SEMA6A: variants seen among roughly 807,000 people sequenced by gnomAD.
The protein encoded by SEMA6A is semaphorin 6A.
A neutral mutation model predicts 96.8 loss-of-function variants in SEMA6A; 25 were observed. That is an observed-to-expected ratio of 0.26 (90% CI 0.19 to 0.36). SEMA6A has a LOEUF of 0.36. Ranked by LOEUF, SEMA6A falls within the 10% of genes least tolerant of loss-of-function variation. SEMA6A has a pLI of 1.00. For missense variants in SEMA6A, 1,363 were observed against 1,323.1 expected (o/e 1.03, Z -0.47); for synonymous variants, 612 against 518.0 (o/e 1.18, Z -2.46).
Position 116,566,722 on chromosome 5 carries a change from C to G in SEMA6A, c.-39+7463G>C, listed in dbSNP as rs374933180. Among the ~76,000 whole-genome samples, 72 of 152,318 alleles carry G rather than the reference C, an allele frequency of 4.7e-4. 1 individual carries two copies. The South Asian group carries it at 0.014, about 29-fold the overall frequency. ...GAACTTGTATGACTATCATTTGAAT[C>G]AAATTTCAGGTTTTGTAGTAGTGTG... On this transcript the variant is annotated intron_variant, in intron 1 of 18. Coordinates refer to ENST00000343348, the MANE Select transcript of SEMA6A (RefSeq NM_020796.5).
rs114622957 is a variant in SEMA6A at position 116,522,653 on chromosome 5, C to T, written c.-38-17671G>A. Reference sequence around the variant, plus strand: ...AGTCTAACACAAAGAATCAGATGAGCTCAAAGCAAATAACCTTCATATTTT... The same window carrying T: ...AGTCTAACACAAAGAATCAGATGAGTTCAAAGCAAATAACCTTCATATTTT... On this transcript the variant is annotated intron_variant, in intron 1 of 18. Coordinates refer to ENST00000343348, the MANE Select transcript of SEMA6A (RefSeq NM_020796.5). Among the ~76,000 whole-genome samples the T allele has an allele frequency of 3.1e-3, 468 of 152,278 alleles. 4 individuals are homozygous for T. The highest frequency in any genetic ancestry group is 0.01 in the African/African-American group (429 of 41,550).
intron 7 of SEMA6A, among the ~76,000 whole-genome samples, chr5:116,489,417 T>C (rs1757226597): frequency 6.6e-6 from 1 of 152,014 alleles, no homozygotes; most frequent in Admixed American, 6.6e-5. Flanking sequence ...GCTGATTGTG[T>C]CCCCAGAAAT....
chr5:116,502,272 C>G lies in SEMA6A; in HGVS notation c.156G>C (p.Gln52His), dbSNP rs1464919697. The change falls in exon 3 of 19, where the codon CAG becomes CAC. Residue 52 changes from glutamine to histidine, a missense_variant. Gln to His is a conservative substitution (Grantham distance 24). Transcript: ENST00000343348. ...VGHKPGRNTT[Q>H]RHRLDIQMIM... is the part of the protein sequence containing the mutation. ...TCATCTGGATGTCCAGCCTGTGCCTCTGTGTGGTGTTCCGTCCTGGCTTGT... is the reference window on the plus strand; with the variant it reads ...TCATCTGGATGTCCAGCCTGTGCCTGTGTGTGGTGTTCCGTCCTGGCTTGT... 1.2e-6 allele frequency: 2 copies of G among 1,613,974 alleles called. No homozygotes were observed. Among genetic ancestry groups the G allele is most frequent in the Admixed American group, 3.3e-5 (2 of 60,026 alleles).
intron 17 of SEMA6A, chr5:116,468,171 AG>A (rs1020980144): frequency 6.1e-6 from 1 of 163,170 alleles, no homozygotes; most frequent in Admixed American, 6.3e-5. Context: ...CACTAAACAC[AG>A]AAAGTGTCCA....
At chr5:116,459,656 A>G (rs1431200957) in intron 18 of SEMA6A, among the ~76,000 whole-genome samples, 2 of 152,074 alleles carry the variant, frequency 1.3e-5, no homozygotes, top group Non-Finnish European at 2.9e-5. Context: ...TTTTCCTTCA[A>G]GACTTTGAAA....
intron 1 of SEMA6A, among the ~76,000 whole-genome samples, chr5:116,557,902 C>T (rs192801456): frequency 3.4e-4 from 52 of 152,190 alleles, no homozygotes; most frequent in African/African-American, 1.2e-3. Flanking sequence ...TAGAAACAAG[C>T]GATAGCACAA....
At chr5:116,469,176 C>T (rs1185423590) in intron 17 of SEMA6A, 1 of 152,126 alleles carries the variant, frequency 6.6e-6, no homozygotes, top group Non-Finnish European at 1.5e-5. Context: ...TGAAGAGGTC[C>T]CTTTCTGTAT....
At chr5:116,570,820 T>A (rs1187377195) in intron 1 of SEMA6A, among the ~76,000 whole-genome samples, 2 of 152,252 alleles carry the variant, frequency 1.3e-5, no homozygotes, top group East Asian at 3.9e-4. Flanking sequence ...ACCCATTTAC[T>A]TTTAAAGCAT....
chr5:116,480,457 GCC>G (rs1756695167), intron 11 of SEMA6A, among the ~76,000 whole-genome samples, 180 bp from the exon 12 acceptor site: 1 of 152,140 alleles, frequency 6.6e-6, no homozygotes, highest in Non-Finnish European at 1.5e-5. Context: ...CCTCTGAGCC[GCC>G]TCCTCATTTC....
chr5:116,521,982 G>C (rs1235597248), intron 1 of SEMA6A, among the ~76,000 whole-genome samples: 2 of 152,294 alleles, frequency 1.3e-5, no homozygotes, highest in African/African-American at 4.8e-5. Flanking sequence ...TGTTGATTTT[G>C]ATCCAAATAG....
At chr5:116,515,025 A>C (rs950169501) in intron 1 of SEMA6A, among the ~76,000 whole-genome samples, 1 of 152,228 alleles carries the variant, frequency 6.6e-6, no homozygotes, top group Non-Finnish European at 1.5e-5. Flanking sequence ...GTAAGGTGGG[A>C]TGACTGGCAA....
Position 116,447,166 on chromosome 5 carries a change from G to A in SEMA6A, c.2540C>T (p.Ala847Val), listed in dbSNP as rs962145659. Residue 847 changes from alanine to valine, a missense_variant, in exon 19 of 19, where the codon GCC (alanine) becomes GTC (valine). Ala to Val is a moderately conservative substitution (Grantham distance 64, BLOSUM62 0). Coordinates refer to ENST00000343348, the MANE Select transcript of SEMA6A (RefSeq NM_020796.5). ...EVAQMALEDQ[A>V]ATLEYKTIKE... is the part of the protein sequence containing the mutation. The stretch of plus-strand genomic sequence containing the variant: ...GATGGTCTTATACTCCAGTGTGGCG[G>A]CCTGGTCCTCCAGCGCCATCTGGGC... The A allele has an allele frequency of 6.2e-7, 1 of 1,613,894 alleles. No homozygotes were observed. Among genetic ancestry groups the A allele is most frequent in the East Asian group, 2.2e-5 (1 of 44,866 alleles).
At chr5:116,535,051 A>G (rs1053046083) in intron 1 of SEMA6A, among the ~76,000 whole-genome samples, 2 of 152,226 alleles carry the variant, frequency 1.3e-5, no homozygotes, top group African/African-American at 4.8e-5. Context: ...ATACAAATAC[A>G]TATCCTTTTG....
chr5:116,552,240 G>T (rs1312749331), intron 1 of SEMA6A, among the ~76,000 whole-genome samples: 1 of 103,612 alleles, frequency 9.7e-6, no homozygotes, highest in Non-Finnish European at 2.1e-5. Context: ...AAAGGATTTT[G>T]TAGTCAATCA....
chr5:116,458,991 A>G (rs960081776), intron 18 of SEMA6A, among the ~76,000 whole-genome samples: 2 of 152,126 alleles, frequency 1.3e-5, no homozygotes, highest in African/African-American at 2.4e-5. Context: ...TCAGTCCCTC[A>G]AAGAAAAGAC....
At chr5:116,539,691 T>G (rs1431994873) in intron 1 of SEMA6A, among the ~76,000 whole-genome samples, 1 of 152,100 alleles carries the variant, frequency 6.6e-6, no homozygotes, top group African/African-American at 2.4e-5. Context: ...ATGGATTTCC[T>G]TCAACAACTT....
At chr5:116,478,942 G>A (rs867606113) in intron 12 of SEMA6A, among the ~76,000 whole-genome samples, 10 of 151,726 alleles carry the variant, frequency 6.6e-5, no homozygotes, top group Admixed American at 2.0e-4. Flanking sequence ...GTGTGTGTGT[G>A]TGTGTGTGTG....
chr5:116,503,454 A>T (rs1014620024), intron 2 of SEMA6A, among the ~76,000 whole-genome samples: 15 of 151,872 alleles, frequency 9.9e-5, no homozygotes, highest in African/African-American at 3.1e-4. Context: ...TGTCTCTACG[A>T]TCATGGATTT....
chr5:116,455,823 G>A (rs193171267), intron 18 of SEMA6A, among the ~76,000 whole-genome samples: 7 of 152,266 alleles, frequency 4.6e-5, no homozygotes, highest in Admixed American at 2.6e-4. Flanking sequence ...CTGGGTTTGC[G>A]TGTTGGCTCT....
Sources: allele counts gnomAD v4.1 joint callset (sites outside exome capture counted in the v4.1 genomes callset), GRCh38; gene constraint gnomAD v4.1.1; transcripts MANE v1.5; gene names NCBI Gene and HGNC (gene_info 2026-07-23, HGNC 2026-07-21).